BOD1L1: variants seen among roughly 807,000 people sequenced by gnomAD.
BOD1L1 encodes biorientation of chromosomes in cell division 1 like 1.
BOD1L1 carries 86 observed loss-of-function variants against 240.7 expected under a neutral mutation model. The ratio of observed to expected loss-of-function variants is 0.36; its 90% CI spans 0.30 to 0.43. BOD1L1 has a LOEUF of 0.43. Among genes scored for constraint, BOD1L1 ranks in the 20% least tolerant of loss-of-function variants. The pLI is 1.00. For missense variants in BOD1L1, 3,554 were observed against 3,643.5 expected, an observed-to-expected ratio of 0.98 and a Z score of 0.63; for synonymous variants, 1,268 against 1,272.3, an observed-to-expected ratio of 1.00 and a Z score of 0.07.
chr4:13,619,950 C>T lies in BOD1L1; in HGVS notation c.361G>A (p.Val121Ile). The change falls in exon 2 of 26, where the codon GTC becomes ATC. Residue 121 changes from valine (V) to isoleucine (I), a missense_variant. Val to Ile is a conservative substitution (Grantham distance 29). This residue lies in a region of BOD1L1 where 161 missense variants were observed against 216.4 expected (regional missense o/e 0.74). Coordinates refer to ENST00000040738, the MANE Select transcript of BOD1L1 (RefSeq NM_148894.3). Reference sequence around the variant, plus strand: ...TCTATCTCTGAGACTTACTTGAGGACTTGTTGTCTAATGTTGTTTCTTAGC... The same window carrying T: ...TCTATCTCTGAGACTTACTTGAGGATTTGTTGTCTAATGTTGTTTCTTAGC... Reference protein sequence around the residue: ...NQLRNNIRQQVLKSGMLESGI... With the variant: ...NQLRNNIRQQILKSGMLESGI... 1 of 1,612,888 alleles carries T rather than the reference C, an allele frequency of 6.2e-7. No homozygotes were observed. Among genetic ancestry groups the T allele is most frequent in the Non-Finnish European group, 8.5e-7 (1 of 1,179,340 alleles).
intron 1 of BOD1L1, among the ~76,000 whole-genome samples, chr4:13,621,659 C>T (rs1292621486): frequency 2.6e-5 from 4 of 152,174 alleles, no homozygotes; most frequent in African/African-American, 9.7e-5. Flanking sequence ...TAGCCTATCA[C>T]ACTGCTTGGC....
In BOD1L1 at chr4:13,600,003, T is replaced by TTCAGAGGTGC; in HGVS notation, c.6887_6896dup (p.Gly2300HisfsTer3). ...CACCAATCATGACTGCTTCACACCC[T>TTCAGAGGTGC]TCAGAGGTGCTTGTGGAAATCATGG... On this transcript the variant is annotated stop_gained and frameshift_variant, in exon 10 of 26. Coordinates refer to ENST00000040738, the MANE Select transcript of BOD1L1 (RefSeq NM_148894.3). LOFTEE classifies it high-confidence loss of function. 1 of 1,610,242 alleles carries TTCAGAGGTGC rather than the reference T, an allele frequency of 6.2e-7. No homozygotes were observed. The highest frequency in any genetic ancestry group is 8.5e-7 in the Non-Finnish European group (1 of 1,178,116).
chr4:13,610,757 T>C (rs1388009381), intron 6 of BOD1L1, among the ~76,000 whole-genome samples, 177 bp downstream of exon 6: 2 of 152,194 alleles, frequency 1.3e-5, no homozygotes, highest in Admixed American at 6.5e-5. Flanking sequence ...TTAGTAATGA[T>C]GACACAAACA....
intron 18 of BOD1L1, among the ~76,000 whole-genome samples, 157 bp from the exon 19 acceptor site, chr4:13,582,467 G>A (rs1713312424): frequency 6.6e-6 from 1 of 152,164 alleles, no homozygotes; most frequent in South Asian, 2.1e-4. Context: ...TGGGTGACTA[G>A]TAAACAGCAC....
chr4:13,575,961 G>A (rs1387517832), intron 25 of BOD1L1, among the ~76,000 whole-genome samples: 8 of 131,532 alleles, frequency 6.1e-5, no homozygotes, highest in African/African-American at 2.3e-4. Context: ...GGAGTGCAGT[G>A]GAGCCATCTC....
intron 25 of BOD1L1, among the ~76,000 whole-genome samples, chr4:13,573,438 G>GTCTATCTATCTATCTA (rs1403849969): frequency 3.1e-3 from 142 of 46,446 alleles, no homozygotes; most frequent in East Asian, 0.021. Flanking sequence ...CTGTCTGTCT[G>GTCTATCTATCTATCTA]TCTGTCTATC....
intron 2 of BOD1L1, among the ~76,000 whole-genome samples, chr4:13,617,399 C>G (rs1267670427): frequency 6.6e-6 from 1 of 152,124 alleles, no homozygotes; most frequent in Non-Finnish European, 1.5e-5. Flanking sequence ...AGTCCTTTCT[C>G]ACACAGAGGT....
chr4:13,579,809 T>C lies in BOD1L1; in HGVS notation c.8749+119A>G, dbSNP rs535462922. The stretch of plus-strand genomic sequence containing the variant: ...TCCCAGATACAAGGACAATTATTTT[T>C]ACCAAGGGGGCCACCCACTTCAATG... On this transcript the variant is annotated intron_variant, in intron 22 of 25. Transcript: ENST00000040738. 94 of 724,516 alleles carry C rather than the reference T, an allele frequency of 1.3e-4. 2 individuals carry two copies. In the African/African-American group the frequency reaches 1.4e-3, roughly 10 times the overall value. The allele number at this position is 724,516 out of a possible 1,614,324, so 44.9% of individuals were successfully genotyped here. A position where few individuals can be genotyped will look rare whatever the true frequency, so the allele number is the denominator to read the frequency against.
chr4:13,590,281 A>G (rs1335109387), intron 14 of BOD1L1, 105 bp downstream of exon 14: 1 of 542,934 alleles, frequency 1.8e-6, no homozygotes, highest in African/African-American at 2.0e-5. Context: ...GAATTAAATG[A>G]GAGAAAGTAT....
chr4:13,587,390 T>C (rs10939490), intron 16 of BOD1L1, among the ~76,000 whole-genome samples: 83,530 of 152,058 alleles, frequency 0.55, 26,710 homozygotes, highest in East Asian at 0.96. Context: ...CTCTGTAGGG[T>C]ATCTGCTTAT....
In BOD1L1 at chr4:13,609,525, G is replaced by GA. The variant is rs34227562; in HGVS notation, c.1492-120dup. The GA allele has an allele frequency of 8.5e-6, 5 of 589,604 alleles. No homozygotes were observed. The Admixed American group carries it at 1.2e-4, about 14-fold the overall frequency. 36.5% of individuals were successfully genotyped at this position (589,604 alleles called of 1,614,324 possible). On this transcript the variant is annotated intron_variant, in intron 6 of 25. Transcript: ENST00000040738. ...ATGTTCTTACAAATTAACGGGCTCT[G>GA]AAAAAATGCACATACACTACATATA...
intron 17 of BOD1L1, among the ~76,000 whole-genome samples, chr4:13,583,596 G>A (rs1422021652): frequency 6.6e-6 from 1 of 152,096 alleles, no homozygotes; most frequent in East Asian, 1.9e-4. Context: ...TGGAATTTCT[G>A]GCCCACTTCA....
intron 12 of BOD1L1, chr4:13,592,406 CAA>C (rs1466559027): frequency 6.5e-6 from 1 of 153,904 alleles, no homozygotes; most frequent in East Asian, 1.9e-4. Context: ...ACATGAAGTA[CAA>C]AGTCTACTGT....
In BOD1L1 at chr4:13,582,280, T is replaced by A; in HGVS notation, c.8549A>T (p.Glu2850Val). 1 of 1,613,720 alleles carries A rather than the reference T, an allele frequency of 6.2e-7. No individual in the cohort carries two copies. Among genetic ancestry groups the A allele is most frequent in the Non-Finnish European group, 8.5e-7 (1 of 1,179,740 alleles). The change falls in exon 19 of 26, where the codon GAA (glutamate) becomes GTA (valine). Residue 2850 changes from glutamate (E) to valine (V), a missense_variant. By Grantham distance (121) the Glu-to-Val change is moderately radical. Around this residue, in one of 2 missense-constraint regions of BOD1L1, gnomAD observed 3,393 missense variants for 3,427.1 expected, o/e 0.99. Transcript: ENST00000040738. ...GTCATCATCGTTCTGCTCTGGCTTTTCACCAGTAGTTTCACTGCTGCTATA... is the reference window on the plus strand; with the variant it reads ...GTCATCATCGTTCTGCTCTGGCTTTACACCAGTAGTTTCACTGCTGCTATA... ...DEYSSSETTG[E>V]KPEQNDDDTI... is the part of the protein sequence containing the mutation.
chr4:13,600,055 G>A lies in BOD1L1; in HGVS notation c.6845C>T (p.Thr2282Ile), dbSNP rs201404103. ...VPQEEGDPSV[T>I]PAEEMGDTAM... ...GGTGTCACCCATCTCTTCCGCTGGT[G>A]TGACTGAGGGGTCGCCTTCCTCTTG... The change falls in exon 10 of 26, where the codon ACA becomes ATA. Residue 2282 changes from threonine (T) to isoleucine (I), a missense_variant. Physicochemically the swap from Thr to Ile is moderately conservative, Grantham distance 89. Coordinates refer to ENST00000040738, the MANE Select transcript of BOD1L1 (RefSeq NM_148894.3). The A allele has an allele frequency of 9.7e-5, 157 of 1,612,278 alleles. 2 individuals carry two copies. The East Asian group carries it at 3.2e-3, about 33-fold the overall frequency.
At chr4:13,605,881 A>G (rs1004215222) in intron 9 of BOD1L1, among the ~76,000 whole-genome samples, 3 of 152,170 alleles carry the variant, frequency 2.0e-5, no homozygotes, top group African/African-American at 7.2e-5. Context: ...AAAAAAAGAT[A>G]CGGAGAGACA....
intron 14 of BOD1L1, among the ~76,000 whole-genome samples, chr4:13,589,996 C>A (rs1254942146): frequency 6.6e-6 from 1 of 152,216 alleles, no homozygotes; most frequent in Non-Finnish European, 1.5e-5. Context: ...AGAAGACCCA[C>A]ATAAATGTGA....
intron 11 of BOD1L1, among the ~76,000 whole-genome samples, chr4:13,596,646 G>A (rs1361449575): frequency 2.6e-5 from 4 of 152,000 alleles, no homozygotes; most frequent in Non-Finnish European, 1.5e-5. Context: ...ATTTTAAGCA[G>A]AGCAATGACA....
intron 2 of BOD1L1, among the ~76,000 whole-genome samples, chr4:13,618,175 G>C (rs1716760713): frequency 6.6e-6 from 1 of 152,112 alleles, no homozygotes; most frequent in South Asian, 2.1e-4. Context: ...TTACCTTATA[G>C]ATTTTATACG....
Sources: gnomAD v4.1 joint callset for allele counts (sites outside exome capture counted in the v4.1 genomes callset) on GRCh38, gnomAD v4.1.1 for gene constraint, gnomAD v4.1.1 regional missense constraint, MANE v1.5 for transcripts, NCBI Gene and HGNC (gene_info 2026-07-23, HGNC 2026-07-21) for gene names.